The following SRGAP2 variants were observed in gnomAD, a reference collection of about 807,000 sequenced individuals.
The protein encoded by SRGAP2 is SLIT-ROBO Rho GTPase activating protein 2.
In SRGAP2, 15 loss-of-function variants were observed where a neutral mutation model predicts 57.2. The ratio of observed to expected loss-of-function variants is 0.26; its 90% CI spans 0.18 to 0.40. The LOEUF (loss-of-function observed/expected upper bound fraction) is 0.40, where lower values mean the gene tolerates loss of function less well. SRGAP2 is among the 10% of genes least tolerant of loss of function. The pLI is 1.00. For missense variants in SRGAP2, 520 were observed against 669.6 expected (o/e 0.78, Z 2.47); for synonymous variants, 249 against 248.0 (o/e 1.00, Z -0.04).
intron 2 of SRGAP2, among the ~76,000 whole-genome samples, chr1:206,272,443 G>T (rs1198994486): frequency 6.2e-4 from 93 of 151,168 alleles, no homozygotes; most frequent in Non-Finnish European, 2.2e-4. Context: ...ATGGAGTCTC[G>T]CTCCGTCACC....
At chr1:206,314,107 T>G (rs868945978) in intron 3 of SRGAP2, among the ~76,000 whole-genome samples, 9,501 of 130,012 alleles carry the variant, frequency 0.073, 602 homozygotes, top group African/African-American at 0.21. Context: ...TTTTTTTTGT[T>G]TTTTTTTTTT....
chr1:206,453,454 C>T, intron 20 of SRGAP2, 74 bp downstream of exon 20: 1 of 496,692 alleles, frequency 2.0e-6, no homozygotes, highest in Non-Finnish European at 3.7e-6. Flanking sequence ...TTTCTGGAGC[C>T]ATAGGACTAT....
intron 1 of SRGAP2, chr1:206,204,849 T>G (rs1665743133): frequency 7.5e-6 from 1 of 133,264 alleles, no homozygotes; most frequent in South Asian, 2.6e-4. Context: ...CTGCTTCAGC[T>G]GACCACATTG....
intron 17 of SRGAP2, among the ~76,000 whole-genome samples, chr1:206,444,878 C>A (rs1438643654): frequency 2.0e-5 from 3 of 152,178 alleles, no homozygotes; most frequent in Non-Finnish European, 2.9e-5. Flanking sequence ...CAACTCTTTT[C>A]TCCCATCACG....
chr1:206,227,351 T>A (rs1206984793), intron 2 of SRGAP2, among the ~76,000 whole-genome samples: 1 of 152,246 alleles, frequency 6.6e-6, no homozygotes, highest in South Asian at 2.1e-4. Flanking sequence ...AAGGCATATA[T>A]GTGGGATTAT....
At chr1:206,399,858 C>T (rs1335200961) in intron 7 of SRGAP2, among the ~76,000 whole-genome samples, 2 of 152,134 alleles carry the variant, frequency 1.3e-5, no homozygotes, top group African/African-American at 4.8e-5. Context: ...TTTTGTCTAG[C>T]TTCCATTTGC....
At chr1:206,346,983 T>C (rs1675677829) in intron 4 of SRGAP2, among the ~76,000 whole-genome samples, 1 of 151,050 alleles carries the variant, frequency 6.6e-6, no homozygotes, top group Non-Finnish European at 1.5e-5. Flanking sequence ...GGCTCAAGCC[T>C]GTAATCCCAG....
At chr1:206,372,972 T>TCTTTCTTTC (rs1654772969) in intron 4 of SRGAP2, among the ~76,000 whole-genome samples, 2 of 35,444 alleles carry the variant, frequency 5.6e-5, no homozygotes, top group Non-Finnish European at 5.5e-5. Context: ...TTCCTTTCTT[T>TCTTTCTTTC]CTTTCTTTCT....
At chr1:206,416,178 C>T (rs538288085) in intron 11 of SRGAP2, among the ~76,000 whole-genome samples, 183 of 152,344 alleles carry the variant, frequency 1.2e-3, no homozygotes, top group Middle Eastern at 0.01. Context: ...GAAGCACTAA[C>T]GTGTATCATC....
intron 4 of SRGAP2, among the ~76,000 whole-genome samples, chr1:206,375,677 C>T (rs1471673451): frequency 6.6e-6 from 1 of 152,086 alleles, no homozygotes; most frequent in African/African-American, 2.4e-5. Context: ...GGCCGTTAGC[C>T]TCTTCCTGAC....
At chr1:206,457,869 T>C (rs1263763692) in intron 21 of SRGAP2, among the ~76,000 whole-genome samples, 1 of 152,198 alleles carries the variant, frequency 6.6e-6, no homozygotes, top group Non-Finnish European at 1.5e-5. Context: ...AGATTAGACC[T>C]TTTCAGATCT....
intron 2 of SRGAP2, among the ~76,000 whole-genome samples, chr1:206,262,623 A>T (rs1387728553): frequency 3.7e-5 from 5 of 136,464 alleles, no homozygotes; most frequent in African/African-American, 1.4e-4. Context: ...GGTGGAGATT[A>T]AAAAAAAAAA....
At chr1:206,334,552 T>G (rs1674630519) in intron 3 of SRGAP2, among the ~76,000 whole-genome samples, 1 of 152,152 alleles carries the variant, frequency 6.6e-6, no homozygotes, top group East Asian at 1.9e-4. Context: ...TGGATACCCT[T>G]TCTTCTCAGT....
chr1:206,266,492 C>T (rs1255620692), intron 2 of SRGAP2, among the ~76,000 whole-genome samples: 2 of 152,340 alleles, frequency 1.3e-5, no homozygotes, highest in East Asian at 3.9e-4. Context: ...ATCCTCCCGC[C>T]TCTGACTCCC....
chr1:206,417,019 C>A (rs1553362259), intron 11 of SRGAP2, among the ~76,000 whole-genome samples: 2 of 152,188 alleles, frequency 1.3e-5, no homozygotes. Flanking sequence ...ACCTCCTACC[C>A]ACCTTTTTTG....
In SRGAP2 at chr1:206,278,725, T is replaced by C. The variant is rs1306426150; in HGVS notation, c.68-24556T>C. On this transcript the variant is annotated intron_variant, in intron 2 of 22. Transcript: ENST00000573034. ...ATGAGGCCTCATGGAATAGGTCACA[T>C]TTGTGCAAAAATTTAAAGGAGGTAA... Among the ~76,000 whole-genome samples the C allele has an allele frequency of 1.2e-4, 18 of 149,972 alleles. No homozygotes were observed. The East Asian group carries it at 3.5e-3, about 29-fold the overall frequency.
chr1:206,237,601 C>A (rs1667987186), intron 2 of SRGAP2, among the ~76,000 whole-genome samples: 1 of 152,160 alleles, frequency 6.6e-6, no homozygotes, highest in South Asian at 2.1e-4. Context: ...TTCTTCCAAG[C>A]ATTCAACCTC....
intron 4 of SRGAP2, among the ~76,000 whole-genome samples, chr1:206,346,373 GGC>G (rs1228166666): frequency 6.6e-6 from 1 of 152,148 alleles, no homozygotes; most frequent in Non-Finnish European, 1.5e-5. Context: ...CTACACTGGG[GGC>G]TTCCTTCTGG....
At position 206,454,863 on chromosome 1, in the gene SRGAP2, C is replaced by T. The variant is rs368045669; in HGVS notation, c.2361-15C>T. On this transcript the variant is annotated splice_polypyrimidine_tract_variant and intron_variant, in intron 20 of 22. Coordinates refer to ENST00000573034, the MANE Select transcript of SRGAP2 (RefSeq NM_015326.5). This position sits in a 1 kb window ranked among gnomAD's most constrained non-coding sequence, Gnocchi z 4.3. Reference sequence around the variant, plus strand: ...GTTTTCCCTCCTCCCTGCCTGCCTGCCCCTTCTCCCCCAGCGAGGACGGTG... The same window carrying T: ...GTTTTCCCTCCTCCCTGCCTGCCTGTCCCTTCTCCCCCAGCGAGGACGGTG... 34 of 742,316 alleles carry T rather than the reference C, an allele frequency of 4.6e-5. No homozygotes were observed. In the African/African-American group the frequency reaches 4.8e-4, roughly 11 times the overall value. 46.0% of individuals were successfully genotyped at this position (742,316 alleles called of 1,614,324 possible). A position where few individuals can be genotyped will look rare whatever the true frequency, so the allele number is the denominator to read the frequency against.
Sources: gnomAD v4.1 joint callset for allele counts (sites outside exome capture counted in the v4.1 genomes callset) on GRCh38, gnomAD v4.1.1 for gene constraint, Gnocchi (gnomAD v3.1) non-coding constraint, MANE v1.5 for transcripts, NCBI Gene and HGNC (gene_info 2026-07-23, HGNC 2026-07-21) for gene names.